The following TTC29 variants were observed in gnomAD, a reference collection of about 807,000 sequenced individuals.
TTC29 encodes tetratricopeptide repeat protein 29.
In TTC29, 49 loss-of-function variants were observed where a neutral mutation model predicts 58.1. The ratio of observed to expected loss-of-function variants is 0.84; its 90% CI spans 0.67 to 1.07. The LOEUF is 1.07. TTC29 is among the 50% of genes least tolerant of loss of function. TTC29 has a pLI of 0.00. For missense variants in TTC29, 582 were observed against 555.6 expected (o/e 1.05, Z -0.48); for synonymous variants, 209 against 196.8 (o/e 1.06, Z -0.52).
rs17021888 is a variant in TTC29, at chr4:146,741,215, T to A, written c.1331-33664A>T. Among the ~76,000 whole-genome samples the A allele has an allele frequency of 4.3e-4, 66 of 152,280 alleles. 2 individuals are homozygous for A. The highest frequency in any genetic ancestry group is 1.5e-3 in the African/African-American group (64 of 41,508). On this transcript the variant is annotated intron_variant, in intron 11 of 12. Transcript: ENST00000325106. Reference sequence around the variant, plus strand: ...AATATTTTAGATCCAGGGTGTGAAATTTTTAGATGACTATACGCAAGTATT... The same window carrying A: ...AATATTTTAGATCCAGGGTGTGAAAATTTTAGATGACTATACGCAAGTATT...
rs1742813657 is a variant in TTC29, at chr4:146,714,878, TC to T, written c.1331-7328del. 2.6e-5 allele frequency among the ~76,000 whole-genome samples: 4 copies of T among 152,200 alleles called. No individual in the cohort carries two copies. In the South Asian group the frequency reaches 8.3e-4, roughly 31 times the overall value. Reference sequence around the variant, plus strand: ...TGGAAGGATGTAATTGTAAACTTCTTCTTTTATTGAGACAGGGTCTCGCTTG... The same window carrying T: ...TGGAAGGATGTAATTGTAAACTTCTTTTTTATTGAGACAGGGTCTCGCTTG... On this transcript the variant is annotated intron_variant, in intron 11 of 12. Coordinates refer to ENST00000325106, the MANE Select transcript of TTC29 (RefSeq NM_031956.4).
intron 6 of TTC29, among the ~76,000 whole-genome samples, chr4:146,877,162 TA>T (rs1478449463): frequency 6.6e-6 from 1 of 152,062 alleles, no homozygotes; most frequent in Non-Finnish European, 1.5e-5. Context: ...TTATAATAAG[TA>T]AATATATTAG....
chr4:146,783,893 T>C (rs2150091630), intron 11 of TTC29, among the ~76,000 whole-genome samples: 1 of 152,194 alleles, frequency 6.6e-6, no homozygotes, highest in Non-Finnish European at 1.5e-5. Flanking sequence ...CACAGATTAA[T>C]GAAGATTTAA....
intron 10 of TTC29, among the ~76,000 whole-genome samples, chr4:146,814,099 C>G (rs1561150574): frequency 1.3e-5 from 2 of 152,162 alleles, no homozygotes; most frequent in Non-Finnish European, 2.9e-5. Flanking sequence ...GTCCAAGGAA[C>G]TGACATGTTT....
At chr4:146,928,963 G>C (rs1735126675) in intron 4 of TTC29, among the ~76,000 whole-genome samples, 1 of 151,980 alleles carries the variant, frequency 6.6e-6, no homozygotes, top group Non-Finnish European at 1.5e-5. Flanking sequence ...TATCCCTTAG[G>C]AACAATGTGA....
At chr4:146,712,978 T>C (rs1742621408) in intron 11 of TTC29, among the ~76,000 whole-genome samples, 1 of 152,062 alleles carries the variant, frequency 6.6e-6, no homozygotes, top group South Asian at 2.1e-4. Context: ...CTCTCCACCT[T>C]CCTAACCTCT....
chr4:146,762,647 T>C (rs1746999075), intron 11 of TTC29, among the ~76,000 whole-genome samples: 1 of 151,896 alleles, frequency 6.6e-6, no homozygotes, highest in Non-Finnish European at 1.5e-5. Flanking sequence ...TCATCTGCCC[T>C]TTTTCTCCTC....
chr4:146,845,744 T>G (rs1024210094), intron 8 of TTC29, among the ~76,000 whole-genome samples: 3 of 152,188 alleles, frequency 2.0e-5, no homozygotes, highest in Admixed American at 1.3e-4. Context: ...CAGGCCCTTG[T>G]TAATTGCAGG....
At chr4:146,816,708 G>A (rs1032126141) in intron 10 of TTC29, among the ~76,000 whole-genome samples, 24 of 151,998 alleles carry the variant, frequency 1.6e-4, no homozygotes, top group African/African-American at 5.8e-4. Context: ...ATGAGCCCAG[G>A]GGAGCAAGAG....
chr4:146,751,920 C>A (rs1289643829), intron 11 of TTC29, among the ~76,000 whole-genome samples: 1 of 151,854 alleles, frequency 6.6e-6, no homozygotes, highest in East Asian at 1.9e-4. Flanking sequence ...AGAAAATAAA[C>A]AAAATTGACA....
In TTC29 at chr4:146,856,473, A is replaced by AGACTTT. The variant is rs1245437935; in HGVS notation, c.885+11024_885+11025insAAAGTC. Among the ~76,000 whole-genome samples the AGACTTT allele has an allele frequency of 1.5e-4, 23 of 152,088 alleles. 1 individual carries two copies. In the East Asian group the frequency reaches 3.7e-3, roughly 24 times the overall value. On this transcript the variant is annotated intron_variant, in intron 8 of 12. Transcript: ENST00000325106. ...CACAAACTTTCTTTCCTGACATAAA[A>AGACTTT]CATTTCTTTATTTGTAGGAAAGTTT...
At chr4:146,876,866 G>A (rs1731293157) in intron 6 of TTC29, among the ~76,000 whole-genome samples, 1 of 150,266 alleles carries the variant, frequency 6.7e-6, no homozygotes, top group Non-Finnish European at 1.5e-5. Context: ...AACCCAGGAG[G>A]TGGAGATTGT....
chr4:146,906,692 A>T (rs559824867), intron 5 of TTC29, among the ~76,000 whole-genome samples: 2 of 152,344 alleles, frequency 1.3e-5, no homozygotes, highest in East Asian at 3.9e-4. Flanking sequence ...AGGTGACACA[A>T]ATGTTTACAT....
intron 9 of TTC29, among the ~76,000 whole-genome samples, chr4:146,826,094 A>G (rs568831040): frequency 8.5e-4 from 129 of 152,144 alleles, no homozygotes; most frequent in African/African-American, 3.1e-3. Context: ...TAATTGGGGC[A>G]TTTGGCCCAC....
intron 11 of TTC29, among the ~76,000 whole-genome samples, chr4:146,708,809 T>A (rs1446219967): frequency 1.3e-5 from 2 of 152,086 alleles, no homozygotes; most frequent in Non-Finnish European, 2.9e-5. Context: ...CTTACCCTAT[T>A]TTCTGAAATT....
chr4:146,912,192 G>A (rs1733942346), intron 4 of TTC29, among the ~76,000 whole-genome samples: 3 of 152,158 alleles, frequency 2.0e-5, no homozygotes, highest in Non-Finnish European at 2.9e-5. Flanking sequence ...ATCCTGGGCC[G>A]CATGTGGCCC....
chr4:146,872,904 T>C (rs777433144), intron 7 of TTC29, among the ~76,000 whole-genome samples: 3 of 152,038 alleles, frequency 2.0e-5, no homozygotes, highest in African/African-American at 4.8e-5. Flanking sequence ...CTTTGAAAAG[T>C]TGTACACAAA....
chr4:146,833,876 T>C lies in TTC29; in HGVS notation c.907A>G (p.Ile303Val). The C allele has an allele frequency of 1.2e-6, 2 of 1,612,914 alleles. No individual in the cohort carries two copies. Among genetic ancestry groups the C allele is most frequent in the Non-Finnish European group, 1.7e-6 (2 of 1,179,306 alleles). The change falls in exon 9 of 13, where the codon ATC becomes GTC. Residue 303 changes from isoleucine (I) to valine (V), a missense_variant. Coordinates refer to ENST00000325106, the MANE Select transcript of TTC29 (RefSeq NM_031956.4). ...ALTVLDTYCKISTDLDDDLSL... is the reference protein window; with the variant it reads ...ALTVLDTYCKVSTDLDDDLSL... ...AGATCATCATCCAGGTCTGTGGAGATTTTACAGTAAGTGTCAAGGACCTAT... is the reference window on the plus strand; with the variant it reads ...AGATCATCATCCAGGTCTGTGGAGACTTTACAGTAAGTGTCAAGGACCTAT...
intron 9 of TTC29, among the ~76,000 whole-genome samples, chr4:146,828,496 T>C (rs1361076970): frequency 1.3e-5 from 2 of 152,058 alleles, no homozygotes; most frequent in African/African-American, 4.8e-5. Flanking sequence ...TATTATTAAT[T>C]ATTTAGCTAA....
Sources: gnomAD v4.1 joint callset for allele counts (sites outside exome capture counted in the v4.1 genomes callset) on GRCh38, gnomAD v4.1.1 for gene constraint, MANE v1.5 for transcripts, NCBI Gene and HGNC (gene_info 2026-07-23, HGNC 2026-07-21) for gene names.